SULF1: variants seen among roughly 807,000 people sequenced by gnomAD.
SULF1 encodes extracellular sulfatase Sulf-1.
A neutral mutation model predicts 110.5 loss-of-function variants in SULF1; 46 were observed. The observed-to-expected ratio is 0.42, with a 90% CI of 0.33 to 0.53. The LOEUF (loss-of-function observed/expected upper bound fraction) is 0.53, where lower values mean the gene tolerates loss of function less well. Among genes scored for constraint, SULF1 ranks in the 20% least tolerant of loss-of-function variants. The pLI, the probability that SULF1 is intolerant of heterozygous loss-of-function variation, is 0.12. For missense variants in SULF1, 941 were observed against 1,094.2 expected, an observed-to-expected ratio of 0.86 and a Z score of 1.98; for synonymous variants, 371 against 387.1, an observed-to-expected ratio of 0.96 and a Z score of 0.49.
At chr8:69,550,029 G>T (rs1814580939) in intron 3 of SULF1, among the ~76,000 whole-genome samples, 1 of 151,874 alleles carries the variant, frequency 6.6e-6, no homozygotes, top group African/African-American at 2.4e-5. Flanking sequence ...GGGAGATACT[G>T]TAAGGCACAG....
intron 6 of SULF1, among the ~76,000 whole-genome samples, chr8:69,581,956 G>A (rs530298802): frequency 6.6e-6 from 1 of 150,970 alleles, no homozygotes; most frequent in Admixed American, 6.6e-5. Flanking sequence ...CTTACGCTCC[G>A]TTAACACAGA....
At chr8:69,514,450 G>A (rs1811786639) in intron 3 of SULF1, among the ~76,000 whole-genome samples, 1 of 152,130 alleles carries the variant, frequency 6.6e-6, no homozygotes. Context: ...CCTCCCACCA[G>A]GTTCCACCTC....
chr8:69,528,249 G>A (rs557668563), intron 3 of SULF1, among the ~76,000 whole-genome samples: 3 of 152,204 alleles, frequency 2.0e-5, no homozygotes, highest in South Asian at 2.1e-4. Context: ...CAAATAGAAC[G>A]GTAGAGGGTA....
At chr8:69,558,207 T>G (rs1034563337) in intron 3 of SULF1, among the ~76,000 whole-genome samples, 28 of 152,182 alleles carry the variant, frequency 1.8e-4, no homozygotes, top group Non-Finnish European at 2.9e-4. Context: ...CTAAGAAATG[T>G]ATGTAGACAG....
intron 3 of SULF1, among the ~76,000 whole-genome samples, chr8:69,502,843 A>T (rs1260667180): frequency 6.6e-6 from 1 of 151,314 alleles, no homozygotes; most frequent in African/African-American, 2.4e-5. Context: ...GCCTGCCACC[A>T]CGCCCAGCTA....
rs1326439645 is a variant in SULF1 at position 69,612,956 on chromosome 8, A to C, written c.1377+8024A>C. 2.0e-5 allele frequency among the ~76,000 whole-genome samples: 3 copies of C among 151,930 alleles called. No homozygotes were observed. The East Asian group carries it at 5.8e-4, about 29-fold the overall frequency. On this transcript the variant is annotated intron_variant, in intron 13 of 22. Coordinates refer to ENST00000402687, the MANE Select transcript of SULF1 (RefSeq NM_001128205.2). Reference sequence around the variant, plus strand: ...AGCCAATGTCTAGAAGAGTTTTTCCAATGTTATCTTCTCAAATTTTTATAG... The same window carrying C: ...AGCCAATGTCTAGAAGAGTTTTTCCCATGTTATCTTCTCAAATTTTTATAG...
At chr8:69,561,488 A>T (rs148634336) in intron 3 of SULF1, among the ~76,000 whole-genome samples, 1 of 152,356 alleles carries the variant, frequency 6.6e-6, no homozygotes, top group East Asian at 1.9e-4. Context: ...AAGATAAAGA[A>T]AAGAATAACT....
chr8:69,611,759 A>G (rs192391559), intron 13 of SULF1, among the ~76,000 whole-genome samples: 15 of 152,378 alleles, frequency 9.8e-5, no homozygotes, highest in African/African-American at 3.4e-4. Flanking sequence ...GTCATAAGAC[A>G]TATGGTAACC....
chr8:69,647,530 T>C (rs1040825517), intron 22 of SULF1, among the ~76,000 whole-genome samples: 4 of 152,172 alleles, frequency 2.6e-5, no homozygotes, highest in African/African-American at 9.7e-5. Context: ...AAATTTATGG[T>C]CTTCTGGTTG....
chr8:69,495,599 T>A (rs1810292254), intron 1 of SULF1, among the ~76,000 whole-genome samples, 166 bp from the exon 2 acceptor site: 1 of 152,234 alleles, frequency 6.6e-6, no homozygotes, highest in Non-Finnish European at 1.5e-5. Flanking sequence ...TAGGGCAGTC[T>A]TGCCTGTAGC....
chr8:69,586,481 A>G lies in SULF1; in HGVS notation c.537A>G (p.Lys179=). The G allele has an allele frequency of 6.2e-7, 1 of 1,611,628 alleles. No homozygotes were observed. Among genetic ancestry groups the G allele is most frequent in the Non-Finnish European group, 8.5e-7 (1 of 1,179,580 alleles). The change falls in exon 7 of 23, where the codon AAA becomes AAG. Residue 179 remains lysine, a synonymous_variant. Transcript: ENST00000402687. ...ACACTGTTTGTCGCAATGGCATCAA[A>G]GAAAAGCATGGATTTGATTATGCAA... ...YNYTVCRNGI[K]EKHGFDYAKD...
intron 22 of SULF1, among the ~76,000 whole-genome samples, chr8:69,650,617 T>C (rs1313511216): frequency 1.3e-5 from 2 of 152,190 alleles, no homozygotes; most frequent in African/African-American, 2.4e-5. Context: ...TTCAAAAATA[T>C]GAAAGAAGAG....
intron 8 of SULF1, 39 bp downstream of exon 8, chr8:69,589,180 C>G (rs375856527): frequency 1.9e-6 from 3 of 1,588,090 alleles, no homozygotes; most frequent in Non-Finnish European, 2.6e-6. Context: ...GCCGAACATG[C>G]CTTTCCCTTT....
chr8:69,585,116 C>T (rs1156376206), intron 6 of SULF1, among the ~76,000 whole-genome samples: 2 of 152,182 alleles, frequency 1.3e-5, no homozygotes, highest in African/African-American at 4.8e-5. Context: ...AAAACTAAAA[C>T]TTGCCTACAT....
At chr8:69,640,300 T>C (rs1811381816) in intron 21 of SULF1, among the ~76,000 whole-genome samples, 1 of 152,182 alleles carries the variant, frequency 6.6e-6, no homozygotes, top group African/African-American at 2.4e-5. Flanking sequence ...CATAGGACTT[T>C]TATTGGTGGT....
chr8:69,565,885 C>G (rs910229553), intron 5 of SULF1, among the ~76,000 whole-genome samples: 12 of 152,138 alleles, frequency 7.9e-5, no homozygotes, highest in African/African-American at 2.9e-4. Context: ...GGTGGCTTCA[C>G]CCCCCTCGCC....
At chr8:69,500,126 A>C (rs181186600) in intron 2 of SULF1, among the ~76,000 whole-genome samples, 1 of 152,240 alleles carries the variant, frequency 6.6e-6, no homozygotes, top group Non-Finnish European at 1.5e-5. Context: ...GTCTCATTTC[A>C]TGAAAATGTC....
chr8:69,630,009 A>G (rs11987341), intron 19 of SULF1, among the ~76,000 whole-genome samples: 3,823 of 152,262 alleles, frequency 0.025, 171 homozygotes, highest in African/African-American at 0.087. Context: ...CATCCCGTAA[A>G]TGGATGAACA....
intron 8 of SULF1, among the ~76,000 whole-genome samples, chr8:69,594,266 G>A (rs1439138368): frequency 6.6e-6 from 1 of 152,094 alleles, no homozygotes; most frequent in East Asian, 1.9e-4. Flanking sequence ...GTTCAGGCTG[G>A]TCTTGAACTC....
Sources: allele counts gnomAD v4.1 joint callset (sites outside exome capture counted in the v4.1 genomes callset), GRCh38; gene constraint gnomAD v4.1.1; transcripts MANE v1.5; gene names NCBI Gene and HGNC (gene_info 2026-07-23, HGNC 2026-07-21).